HIPK2: variants seen among roughly 807,000 people sequenced by gnomAD.
The protein encoded by HIPK2 is homeodomain-interacting protein kinase 2.
Under a neutral mutation model 113.7 loss-of-function variants are expected in HIPK2, and 27 were observed. The observed-to-expected ratio is 0.24, with a 90% confidence interval of 0.17 to 0.33. HIPK2 has a LOEUF of 0.33. Ranked by LOEUF, HIPK2 falls within the 10% of genes least tolerant of loss-of-function variation. HIPK2 has a pLI of 1.00. For synonymous variants in HIPK2, 631 were observed against 642.2 expected (o/e 0.98, Z 0.26); for missense variants, 1,257 against 1,588.0 (o/e 0.79, Z 3.54).
intron 2 of HIPK2, among the ~76,000 whole-genome samples, chr7:139,703,969 CCA>C (rs1432159689): frequency 4.9e-5 from 6 of 122,430 alleles, no homozygotes; most frequent in Admixed American, 1.8e-4. Context: ...CCAACACACA[CCA>C]CACACACAAC....
intron 1 of HIPK2, among the ~76,000 whole-genome samples, chr7:139,773,441 T>C (rs1421504601): frequency 1.3e-5 from 2 of 152,186 alleles, no homozygotes; most frequent in Non-Finnish European, 2.9e-5. Flanking sequence ...AGCCCGTCTT[T>C]GACACCAACC....
intron 1 of HIPK2, among the ~76,000 whole-genome samples, chr7:139,768,895 T>TC (rs1796598126): frequency 6.6e-6 from 1 of 152,096 alleles, no homozygotes; most frequent in Non-Finnish European, 1.5e-5. Flanking sequence ...CTAGCTCTGC[T>TC]CCCCCAGCAC....
At chr7:139,662,342 T>C (rs76233544) in intron 2 of HIPK2, among the ~76,000 whole-genome samples, 3,685 of 152,326 alleles carry the variant, frequency 0.024, 153 homozygotes, top group African/African-American at 0.083. Context: ...ATTTGTCTGT[T>C]ATTTCCCTGC....
intron 1 of HIPK2, among the ~76,000 whole-genome samples, chr7:139,723,833 A>T (rs1795490133): frequency 6.6e-6 from 1 of 152,184 alleles, no homozygotes; most frequent in South Asian, 2.1e-4. Context: ...TGTAATATTT[A>T]ATTTGGGTTT....
chr7:139,728,796 G>A (rs936364977), intron 1 of HIPK2, among the ~76,000 whole-genome samples: 2 of 152,056 alleles, frequency 1.3e-5, no homozygotes, highest in African/African-American at 4.8e-5. Flanking sequence ...AAGTCTCTTC[G>A]GTTTTCCCTT....
chr7:139,580,710 C>A (rs1798640124), intron 13 of HIPK2, among the ~76,000 whole-genome samples: 1 of 152,228 alleles, frequency 6.6e-6, no homozygotes, highest in Non-Finnish European at 1.5e-5. Flanking sequence ...GCTGGTCAAC[C>A]CCTCTGTGCC....
At chr7:139,763,663 A>C (rs891269333) in intron 1 of HIPK2, among the ~76,000 whole-genome samples, 1 of 152,196 alleles carries the variant, frequency 6.6e-6, no homozygotes, top group Non-Finnish European at 1.5e-5. Flanking sequence ...ACAGAAATGG[A>C]TGGCTTCACG....
chr7:139,763,474 C>A (rs1009190655), intron 1 of HIPK2, among the ~76,000 whole-genome samples: 3 of 121,712 alleles, frequency 2.5e-5, no homozygotes, highest in African/African-American at 7.1e-5. Context: ...CGGAACACGC[C>A]CCCCCCCCCA....
intron 1 of HIPK2, among the ~76,000 whole-genome samples, chr7:139,767,137 T>A (rs1297047809): frequency 1.3e-5 from 2 of 151,842 alleles, no homozygotes; most frequent in African/African-American, 4.8e-5. Flanking sequence ...TATTTCTGAC[T>A]TTTTGTTCTG....
Position 139,741,836 on chromosome 7 carries a change from G to A in HIPK2, c.20-24821C>T, listed in dbSNP as rs539755798. ...TCGTCTTTTGAAATCATAGATAAGT[G>A]GCACAGAACCTGGTATGATGAAAAA... On this transcript the variant is annotated intron_variant, in intron 1 of 14. Transcript: ENST00000406875. Among the ~76,000 whole-genome samples, 14 of 152,272 alleles carry A rather than the reference G, an allele frequency of 9.2e-5. No homozygotes were observed. In the South Asian group the frequency reaches 2.9e-3, roughly 32 times the overall value.
intron 2 of HIPK2, among the ~76,000 whole-genome samples, chr7:139,706,678 G>A (rs753028149): frequency 2.0e-5 from 3 of 152,136 alleles, no homozygotes; most frequent in Admixed American, 6.5e-5. Flanking sequence ...CCTGGCTCCC[G>A]CCTGCTCACA....
intron 1 of HIPK2, among the ~76,000 whole-genome samples, chr7:139,730,821 C>T (rs1253267462): frequency 3.3e-5 from 5 of 152,096 alleles, no homozygotes; most frequent in African/African-American, 4.8e-5. Flanking sequence ...TAAGGTGAGC[C>T]GTAATCCCAT....
At chr7:139,636,684 G>A (rs1800824715) in intron 2 of HIPK2, among the ~76,000 whole-genome samples, 1 of 152,098 alleles carries the variant, frequency 6.6e-6, no homozygotes, top group African/African-American at 2.4e-5. Context: ...GCCTTCAGAG[G>A]GAGCATGGCC....
intron 12 of HIPK2, among the ~76,000 whole-genome samples, chr7:139,592,262 T>C (rs1799052860): frequency 6.6e-6 from 1 of 152,244 alleles, no homozygotes; most frequent in African/African-American, 2.4e-5. Context: ...AAACAGTGGC[T>C]GCTTACACAG....
At chr7:139,756,592 T>C (rs540763625) in intron 1 of HIPK2, among the ~76,000 whole-genome samples, 13 of 152,260 alleles carry the variant, frequency 8.5e-5, no homozygotes, top group Non-Finnish European at 1.5e-4. Context: ...GCCTGGCTAA[T>C]TTTTGTACTT....
At chr7:139,573,429 G>A (rs776596572) in intron 14 of HIPK2, 32 bp from the exon 15 acceptor site, 2 of 1,591,752 alleles carry the variant, frequency 1.3e-6, no homozygotes, top group Non-Finnish European at 1.7e-6. Context: ...AGAGACGTCA[G>A]GGGCCGACAC....
At chr7:139,761,941 G>C (rs1585463022) in intron 1 of HIPK2, among the ~76,000 whole-genome samples, 2 of 146,364 alleles carry the variant, frequency 1.4e-5, no homozygotes, top group Non-Finnish European at 3.0e-5. Flanking sequence ...GACAGAGACA[G>C]AGAGAGAGAG....
intron 2 of HIPK2, among the ~76,000 whole-genome samples, chr7:139,661,404 A>G (rs1227770813): frequency 6.6e-6 from 1 of 152,204 alleles, no homozygotes; most frequent in Admixed American, 6.5e-5. Context: ...GAAGTGCAGG[A>G]TAAGTCTACC....
At chr7:139,754,366 A>G (rs6464214) in intron 1 of HIPK2, among the ~76,000 whole-genome samples, 54,942 of 152,068 alleles carry the variant, frequency 0.36, 13,821 homozygotes, top group African/African-American at 0.71. Flanking sequence ...GAGGGCCATC[A>G]AGACCACTTT....
Sources: gnomAD v4.1 joint callset for allele counts (sites outside exome capture counted in the v4.1 genomes callset) on GRCh38, gnomAD v4.1.1 for gene constraint, MANE v1.5 for transcripts, NCBI Gene and HGNC (gene_info 2026-07-23, HGNC 2026-07-21) for gene names.